SEM1: variants seen among roughly 807,000 people sequenced by gnomAD.
SEM1 encodes SEM1 26S proteasome subunit.
Under a neutral mutation model 12.7 loss-of-function variants are expected in SEM1, and 3 were observed. The observed-to-expected ratio is 0.24, with a 90% CI of 0.11 to 0.61. The LOEUF is 0.61. SEM1 is among the 20% of genes least tolerant of loss of function. The pLI is 0.88. For synonymous variants in SEM1, 30 were observed against 27.8 expected (o/e 1.08, Z -0.25); for missense variants, 59 against 81.3 (o/e 0.73, Z 1.06).
intron 2 of SEM1, among the ~76,000 whole-genome samples, chr7:96,614,035 G>A (rs796133488): frequency 6.6e-5 from 10 of 152,258 alleles, no homozygotes; most frequent in Admixed American, 2.0e-4. Context: ...TTCAACATAC[G>A]AATTTCAATT....
At chr7:96,693,692 G>A (rs1044253446) in intron 2 of SEM1, among the ~76,000 whole-genome samples, 1 of 151,602 alleles carries the variant, frequency 6.6e-6, no homozygotes, top group Non-Finnish European at 1.5e-5. Context: ...TTCAACTGCT[G>A]TAGAAAACAG....
chr7:96,643,111 A>G (rs1808666920), intron 2 of SEM1, among the ~76,000 whole-genome samples: 1 of 151,456 alleles, frequency 6.6e-6, no homozygotes, highest in Non-Finnish European at 1.5e-5. Flanking sequence ...CCACCATCCA[A>G]CCTCCAATAG....
chr7:96,638,453 T>C (rs1808495291), intron 2 of SEM1, among the ~76,000 whole-genome samples: 1 of 152,002 alleles, frequency 6.6e-6, no homozygotes, highest in African/African-American at 2.4e-5. Flanking sequence ...TTAAACAATA[T>C]ATATTTTTAA....
chr7:96,656,992 G>T (rs761439835), intron 2 of SEM1, among the ~76,000 whole-genome samples: 1 of 152,052 alleles, frequency 6.6e-6, no homozygotes, highest in African/African-American at 2.4e-5. Flanking sequence ...ATAAAATTGT[G>T]ATTATGTACC....
intron 2 of SEM1, among the ~76,000 whole-genome samples, chr7:96,581,087 G>A (rs61231146): frequency 0.31 from 47,199 of 152,012 alleles, 7,358 homozygotes; most frequent in Middle Eastern, 0.33. Context: ...TTCTTCTAGG[G>A]TTTTTATGGT....
chr7:96,686,626 C>T (rs1285461710), downstream of SEM1, among the ~76,000 whole-genome samples: 1 of 152,090 alleles, frequency 6.6e-6, no homozygotes, highest in African/African-American at 2.4e-5. Flanking sequence ...TTACCTTATA[C>T]AAAAATTAAT....
chr7:96,553,993 G>T (rs1584758621), intron 2 of SEM1, among the ~76,000 whole-genome samples: 1 of 151,596 alleles, frequency 6.6e-6, no homozygotes, highest in Non-Finnish European at 1.5e-5. Flanking sequence ...TTGGTTCTCT[G>T]TTTGTCTGTT....
intron 2 of SEM1, among the ~76,000 whole-genome samples, chr7:96,632,317 G>T (rs991912844): frequency 2.0e-5 from 3 of 152,126 alleles, no homozygotes; most frequent in African/African-American, 7.2e-5. Context: ...ATACCCATCA[G>T]TGATAGCCTG....
intron 2 of SEM1, chr7:96,645,750 C>G (rs1274249366): frequency 1.0e-5 from 4 of 398,082 alleles, no homozygotes; most frequent in African/African-American, 6.2e-5. Context: ...TTACATGACC[C>G]ATGCCGGATA....
At chr7:96,498,735 C>T (rs1178166782), upstream of SEM1, among the ~76,000 whole-genome samples, 22 of 152,088 alleles carry the variant, frequency 1.4e-4, no homozygotes, top group Non-Finnish European at 1.5e-5. Flanking sequence ...ACATTTAATT[C>T]TTTGAGGTAG....
In SEM1 at chr7:96,492,759, A is replaced by ATGTGTG. The variant is rs138520257; in HGVS notation, c.12+3519_12+3524dup. On this transcript the variant is annotated intron_variant, in intron 1 of 3. Coordinates refer to the SEM1 transcript ENST00000356686. ...TCCATTTTAAGGGTGAATAATATTC[A>ATGTGTG]TGTGTGTGTGTGTGTGTGTGTGTGT... Among the ~76,000 whole-genome samples, 960 of 142,972 alleles carry ATGTGTG rather than the reference A, an allele frequency of 6.7e-3. 15 individuals are homozygous for ATGTGTG. Among genetic ancestry groups the ATGTGTG allele is most frequent in the African/African-American group, 0.025 (923 of 37,490 alleles). 93.8% of individuals were successfully genotyped at this position (142,972 alleles called of 152,430 possible).
At chr7:96,556,341 T>G (rs1805497673) in intron 2 of SEM1, among the ~76,000 whole-genome samples, 1 of 152,098 alleles carries the variant, frequency 6.6e-6, no homozygotes, top group Admixed American at 6.5e-5. Flanking sequence ...GTTGTTCCTT[T>G]CCATGTTTAG....
intron 2 of SEM1, among the ~76,000 whole-genome samples, chr7:96,544,532 T>C (rs1284770174): frequency 6.6e-6 from 1 of 152,026 alleles, no homozygotes; most frequent in African/African-American, 2.4e-5. Context: ...TTATAAACTA[T>C]CTTTAATGTT....
At chr7:96,605,783 G>T (rs776612915) in intron 2 of SEM1, among the ~76,000 whole-genome samples, 2 of 151,932 alleles carry the variant, frequency 1.3e-5, no homozygotes, top group Non-Finnish European at 2.9e-5. Context: ...GTTACCTATG[G>T]TCAACCCCCA....
intron 2 of SEM1, among the ~76,000 whole-genome samples, chr7:96,553,453 T>C (rs1280556104): frequency 4.0e-5 from 6 of 149,506 alleles, no homozygotes; most frequent in Non-Finnish European, 9.0e-5. Context: ...AAATAGGGAA[T>C]CCTTTCCCCA....
chr7:96,529,616 A>AT (rs1804579674), intron 2 of SEM1, among the ~76,000 whole-genome samples: 1 of 134,546 alleles, frequency 7.4e-6, no homozygotes, highest in African/African-American at 3.1e-5. Flanking sequence ...GCAGCTCTTG[A>AT]TAAAAAAAAA....
chr7:96,567,155 C>T (rs929995659), intron 2 of SEM1, among the ~76,000 whole-genome samples: 1 of 151,660 alleles, frequency 6.6e-6, no homozygotes, highest in East Asian at 1.9e-4. Flanking sequence ...TAGGTAAATA[C>T]AGAGAGATTT....
At chr7:96,614,625 C>T (rs1414001512) in intron 2 of SEM1, among the ~76,000 whole-genome samples, 1 of 152,314 alleles carries the variant, frequency 6.6e-6, no homozygotes, top group Non-Finnish European at 1.5e-5. Context: ...AGAAGCACGC[C>T]TTAGCTCCTG....
intron 2 of SEM1, among the ~76,000 whole-genome samples, chr7:96,522,725 C>CA (rs969620559): frequency 1.5e-3 from 174 of 119,656 alleles, no homozygotes; most frequent in East Asian, 3.6e-3. Context: ...TAAAAATACC[C>CA]CCCCCCCAAA....
Sources: gnomAD v4.1 joint callset for allele counts (sites outside exome capture counted in the v4.1 genomes callset) on GRCh38, gnomAD v4.1.1 for gene constraint, MANE v1.5 for transcripts, NCBI Gene and HGNC (gene_info 2026-07-23, HGNC 2026-07-21) for gene names.